Variants in RTN4RL1 observed in about 807,000 individuals in gnomAD.
RTN4RL1 encodes the protein reticulon 4 receptor like 1, also known as reticulon-4 receptor-like 1.
RTN4RL1 carries 7 observed loss-of-function variants against 25.6 expected under a neutral mutation model. The ratio of observed to expected loss-of-function variants is 0.27; its 90% confidence interval spans 0.16 to 0.51. RTN4RL1 has a LOEUF of 0.51. RTN4RL1 is among the 20% of genes least tolerant of loss of function. The pLI, the probability that RTN4RL1 is intolerant of heterozygous loss-of-function variation, is 0.97. For synonymous variants in RTN4RL1, 297 were observed against 288.2 expected (o/e 1.03, Z -0.31); for missense variants, 500 against 615.6 (o/e 0.81, Z 1.99).
At chr17:1,978,108 G>A (rs1262447816) in intron 1 of RTN4RL1, among the ~76,000 whole-genome samples, 1 of 152,240 alleles carries the variant, frequency 6.6e-6, no homozygotes, top group Non-Finnish European at 1.5e-5. Context: ...CTCTCGGGGA[G>A]GGAGGAACCG....
chr17:1,966,892 C>G (rs1389429418), intron 1 of RTN4RL1, among the ~76,000 whole-genome samples: 1 of 152,136 alleles, frequency 6.6e-6, no homozygotes, highest in Non-Finnish European at 1.5e-5. Flanking sequence ...GGGGCCCTTC[C>G]AAACCTCGCC....
intron 1 of RTN4RL1, among the ~76,000 whole-genome samples, chr17:1,988,321 C>T (rs2066895265): frequency 6.8e-6 from 1 of 146,740 alleles, no homozygotes; most frequent in Non-Finnish European, 1.5e-5. Context: ...AGGAGAATTG[C>T]TTGAACCTGG....
chr17:1,999,340 G>A (rs532300453), intron 1 of RTN4RL1, among the ~76,000 whole-genome samples: 1 of 152,156 alleles, frequency 6.6e-6, no homozygotes, highest in Non-Finnish European at 1.5e-5. Flanking sequence ...CAGCTACTCG[G>A]GAGGCTGAGG....
chr17:1,985,278 T>C (rs1323360645), intron 1 of RTN4RL1, among the ~76,000 whole-genome samples: 5 of 152,204 alleles, frequency 3.3e-5, no homozygotes, highest in Non-Finnish European at 7.3e-5. Context: ...GGTCCCCTCC[T>C]TCTTCTCACC....
intron 1 of RTN4RL1, among the ~76,000 whole-genome samples, chr17:1,942,386 AT>A (rs1915457720): frequency 6.6e-6 from 1 of 151,696 alleles, no homozygotes; most frequent in Non-Finnish European, 1.5e-5. Context: ...GAGGATCCTC[AT>A]GGCTCACTAG....
rs1016779950 is a variant in RTN4RL1 at position 1,939,164 on chromosome 17, A to G, written c.14-1356T>C. ...TCAGGAGATCGAGACCATCCTGGCT[A>G]ACACGGCGAAACCCCGTCTCTACTA... is the stretch of plus-strand genomic sequence containing the variant. On this transcript the variant is annotated intron_variant, in intron 1 of 1. Transcript: ENST00000331238. Among the ~76,000 whole-genome samples, 6 of 151,962 alleles carry G rather than the reference A, an allele frequency of 3.9e-5. No individual in the cohort carries two copies. In the South Asian group the frequency reaches 8.3e-4, roughly 21 times the overall value.
In RTN4RL1 at chr17:2,020,307, C is replaced by G. The variant is rs576609884; in HGVS notation, c.13+4546G>C. 1.4e-4 allele frequency: 21 copies of G among 152,352 alleles called. 1 individual carries two copies. The highest frequency in any genetic ancestry group is 1.2e-3 in the Admixed American group (19 of 15,300). 9.4% of individuals were successfully genotyped at this position (152,352 alleles called of 1,614,324 possible). On this transcript the variant is annotated intron_variant, in intron 1 of 1. Coordinates refer to ENST00000331238, the MANE Select transcript of RTN4RL1 (RefSeq NM_178568.4). ...GTATCTTGGCCGTGCAGGGAACGCT[C>G]TTCTCTCACTCTCGCCACTGGGGTT...
At chr17:1,980,207 G>A (rs1035822067) in intron 1 of RTN4RL1, among the ~76,000 whole-genome samples, 3 of 146,182 alleles carry the variant, frequency 2.1e-5, no homozygotes, top group Non-Finnish European at 3.0e-5. Flanking sequence ...GGGACTACAA[G>A]CTCGTGCCAC....
chr17:1,959,066 G>A (rs932822621), intron 1 of RTN4RL1, among the ~76,000 whole-genome samples: 1 of 152,210 alleles, frequency 6.6e-6, no homozygotes. Flanking sequence ...CCTGGGCTCC[G>A]CTGGGCTCCC....
intron 1 of RTN4RL1, among the ~76,000 whole-genome samples, chr17:1,984,661 C>T (rs989166908): frequency 7.9e-5 from 12 of 152,324 alleles, no homozygotes; most frequent in Non-Finnish European, 1.6e-4. Flanking sequence ...AGCCCTGCCC[C>T]GAGGCCTTCA....
At chr17:1,960,006 T>G (rs1175385827) in intron 1 of RTN4RL1, among the ~76,000 whole-genome samples, 1 of 149,224 alleles carries the variant, frequency 6.7e-6, no homozygotes, top group Admixed American at 6.8e-5. Context: ...GATTGTCCTG[T>G]GTTCACCGTG....
intron 1 of RTN4RL1, among the ~76,000 whole-genome samples, chr17:1,942,887 C>T (rs1053090107): frequency 3.3e-5 from 5 of 152,178 alleles, no homozygotes; most frequent in African/African-American, 4.8e-5. Context: ...AAGGGGGCGA[C>T]GTGCCCCTTC....
At chr17:1,961,395 A>G (rs570111275) in intron 1 of RTN4RL1, among the ~76,000 whole-genome samples, 5 of 152,138 alleles carry the variant, frequency 3.3e-5, no homozygotes, top group South Asian at 2.1e-4. Flanking sequence ...CGAGAGAGGG[A>G]GACAGCAGTC....
rs1481757072 is a variant in RTN4RL1, at chr17:1,950,185, G to A, written c.14-12377C>T. On this transcript the variant is annotated intron_variant, in intron 1 of 1. Coordinates refer to ENST00000331238, the MANE Select transcript of RTN4RL1 (RefSeq NM_178568.4). ...GGGGGGAGCAAGGAGGGAGGCCTGT[G>A]GCCGTGAGAGACCTTGGGGGCCTGA... 4.6e-5 allele frequency among the ~76,000 whole-genome samples: 7 copies of A among 152,308 alleles called. No individual in the cohort carries two copies. In the East Asian group the frequency reaches 9.7e-4, roughly 21 times the overall value.
chr17:2,010,308 T>A (rs74761666), intron 1 of RTN4RL1, among the ~76,000 whole-genome samples: 6 of 77,124 alleles, frequency 7.8e-5, no homozygotes, highest in Non-Finnish European at 8.8e-5. Flanking sequence ...AATAAAAAAA[T>A]AATAATAAAA....
intron 1 of RTN4RL1, among the ~76,000 whole-genome samples, chr17:1,945,690 A>C (rs1015244210): frequency 4.6e-5 from 7 of 152,174 alleles, no homozygotes; most frequent in African/African-American, 1.7e-4. Context: ...CCCCTCTTCT[A>C]ATACACTACG....
chr17:1,968,382 G>A (rs180838496), intron 1 of RTN4RL1, among the ~76,000 whole-genome samples: 74 of 152,146 alleles, frequency 4.9e-4, no homozygotes, highest in Admixed American at 1.6e-3. Context: ...CCCATAGCTC[G>A]GGCCGGCCGT....
intron 1 of RTN4RL1, among the ~76,000 whole-genome samples, chr17:1,955,740 T>C (rs1326698798): frequency 2.0e-5 from 3 of 151,614 alleles, no homozygotes; most frequent in African/African-American, 4.8e-5. Context: ...CCCACCACCA[T>C]GCCCGGCGAA....
At chr17:2,008,421 C>T (rs1409156132) in intron 1 of RTN4RL1, among the ~76,000 whole-genome samples, 1 of 152,080 alleles carries the variant, frequency 6.6e-6, no homozygotes, top group Non-Finnish European at 1.5e-5. Context: ...GGTGCATCTG[C>T]GTGAACGTAG....
Sources: allele counts gnomAD v4.1 joint callset (sites outside exome capture counted in the v4.1 genomes callset), GRCh38; gene constraint gnomAD v4.1.1; transcripts MANE v1.5; gene names NCBI Gene and HGNC (gene_info 2026-07-23, HGNC 2026-07-21).